INA: variants seen among roughly 807,000 people sequenced by gnomAD.
INA encodes the protein internexin neuronal intermediate filament protein alpha, also known as alpha-internexin.
A neutral mutation model predicts 40.1 loss-of-function variants in INA; 35 were observed. The observed-to-expected ratio is 0.87, with a 90% confidence interval of 0.67 to 1.16. The LOEUF is 1.16. INA is among the 50% of genes most tolerant of loss of function. The pLI, the probability that INA is intolerant of heterozygous loss-of-function variation, is 0.00. For synonymous variants in INA, 290 were observed against 316.9 expected, an observed-to-expected ratio of 0.92 and a Z score of 0.90; for missense variants, 594 against 686.7, an observed-to-expected ratio of 0.87 and a Z score of 1.51.
chr10:103,287,024 T>G lies in INA; in HGVS notation c.1066-11T>G. The G allele has an allele frequency of 6.2e-7, 1 of 1,612,910 alleles. No individual in the cohort carries two copies. The highest frequency in any genetic ancestry group is 8.5e-7 in the Non-Finnish European group (1 of 1,179,526). Reference sequence around the variant, plus strand: ...GTTTGGCCTAACTATTTTGGATATGTTACTTTTCAGGATAGCATTGGGCAG... The same window carrying G: ...GTTTGGCCTAACTATTTTGGATATGGTACTTTTCAGGATAGCATTGGGCAG... On this transcript the variant is annotated splice_polypyrimidine_tract_variant and intron_variant, in intron 1 of 2. Transcript: ENST00000369849.
rs2093065326 is a variant in INA, at chr10:103,278,337, C to G, written c.1065+61C>G. ...TGCCCTCTTCCGCGCGTACCCTCTT[C>G]CTCTGGTAAAACTGGGCCCCAGGAC... is the stretch of plus-strand genomic sequence containing the variant. On this transcript the variant is annotated intron_variant, in intron 1 of 2. Transcript: ENST00000369849. The surrounding 1 kb of genome is among the most constrained non-coding windows in gnomAD (Gnocchi z 4.9). 1 of 1,336,124 alleles carries G rather than the reference C, an allele frequency of 7.5e-7. No individual in the cohort carries two copies. The highest frequency in any genetic ancestry group is 2.5e-5 in the East Asian group (1 of 39,546). 82.8% of individuals were successfully genotyped at this position (1,336,124 alleles called of 1,614,324 possible). A position where few individuals can be genotyped will look rare whatever the true frequency, so the allele number is the denominator to read the frequency against.
chr10:103,283,181 A>G (rs753722708), intron 1 of INA, among the ~76,000 whole-genome samples: 6 of 152,220 alleles, frequency 3.9e-5, no homozygotes, highest in Non-Finnish European at 8.8e-5. Context: ...CTGCAACCCA[A>G]GTTCCTGATG....
At chr10:103,287,209 A>G (rs778398389) in intron 2 of INA, 50 bp downstream of exon 2, 2 of 1,578,576 alleles carry the variant, frequency 1.3e-6, no homozygotes, top group East Asian at 2.3e-5. Context: ...CCTAGGGGCA[A>G]TGCTGCCCAA....
At chr10:103,281,912 G>T (rs1447035519) in intron 1 of INA, among the ~76,000 whole-genome samples, 1 of 152,234 alleles carries the variant, frequency 6.6e-6, no homozygotes, top group African/African-American at 2.4e-5. Context: ...GGAGCTGGGC[G>T]TGCCGCTCTC....
Position 103,288,927 on chromosome 10 carries a change from G to A in INA, c.*258G>A, listed in dbSNP as rs1376851441. 1 of 271,908 alleles carries A rather than the reference G, an allele frequency of 3.7e-6. No individual in the cohort carries two copies. Among genetic ancestry groups the A allele is most frequent in the African/African-American group, 2.2e-5 (1 of 44,978 alleles). The allele number at this position is 271,908 out of a possible 1,614,324, so 16.8% of individuals were successfully genotyped here. A position where few individuals can be genotyped will look rare whatever the true frequency, so the allele number is the denominator to read the frequency against. ...TGACCTTCAGCTCACGCTTCACAGT[G>A]ATCGATGATTCAGGTGCAGAGGAAG... On this transcript the variant is annotated 3_prime_UTR_variant, in exon 3 of 3. Transcript: ENST00000369849.
In INA at chr10:103,278,412, G is replaced by A. The variant is rs1163699963; in HGVS notation, c.1065+136G>A. Reference sequence around the variant, plus strand: ...GAGAAGAGCCGCGGCTGGAGGCGCTGGTTAACAAAAAACCCTGGAGTCTTT... The same window carrying A: ...GAGAAGAGCCGCGGCTGGAGGCGCTAGTTAACAAAAAACCCTGGAGTCTTT... On this transcript the variant is annotated intron_variant, in intron 1 of 2. Coordinates refer to ENST00000369849, the MANE Select transcript of INA (RefSeq NM_032727.4). This position sits in a 1 kb window ranked among gnomAD's most constrained non-coding sequence, Gnocchi z 4.9. 7.1e-6 allele frequency: 5 copies of A among 699,738 alleles called. No homozygotes were observed. In the African/African-American group the frequency reaches 9.0e-5, roughly 13 times the overall value. The allele number at this position is 699,738 out of a possible 1,614,324, so 43.3% of individuals were successfully genotyped here. A position where few individuals can be genotyped will look rare whatever the true frequency, so the allele number is the denominator to read the frequency against.
chr10:103,279,973 G>A (rs938167504), intron 1 of INA: 15 of 1,288,978 alleles, frequency 1.2e-5, no homozygotes, highest in Admixed American at 9.2e-5. Context: ...GTGGTCTTCT[G>A]GAGGGCTAGC....
At chr10:103,286,907 A>T in intron 1 of INA, 128 bp from the exon 2 acceptor site, 1 of 935,372 alleles carries the variant, frequency 1.1e-6, no homozygotes, top group Non-Finnish European at 1.6e-6. Flanking sequence ...ACAGACCTGG[A>T]TATAAGCAAG....
Position 103,277,256 on chromosome 10 carries a change from C to T in INA, c.45C>T (p.Tyr15=). 1 of 1,595,314 alleles carries T rather than the reference C, an allele frequency of 6.3e-7. No individual in the cohort carries two copies. The highest frequency in any genetic ancestry group is 8.5e-7 in the Non-Finnish European group (1 of 1,174,022). Reference sequence around the variant, plus strand: ...ACTACCTGTGCTCCTCCTCCTCCTACCGCAAGGTGTTCGGGGATGGCTCTC... The same window carrying T: ...ACTACCTGTGCTCCTCCTCCTCCTATCGCAAGGTGTTCGGGGATGGCTCTC... ...SEHYLCSSSS[Y]RKVFGDGSRL... Residue 15 remains tyrosine (Y), a synonymous_variant, in exon 1 of 3, where the codon TAC becomes TAT. Transcript: ENST00000369849. This position sits in a 1 kb window ranked among gnomAD's most constrained non-coding sequence, Gnocchi z 5.6.
chr10:103,278,320 TCCGCG>T lies in INA; in HGVS notation c.1065+46_1065+50del. ...CGTGGGGAGGGGTGCCCTGCCCTCT[TCCGCG>T]CGTACCCTCTTCCTCTGGTAAAACT... On this transcript the variant is annotated intron_variant, in intron 1 of 2. Transcript: ENST00000369849. This position sits in a 1 kb window ranked among gnomAD's most constrained non-coding sequence, Gnocchi z 4.9. 7.1e-7 allele frequency: 1 copy of T among 1,410,550 alleles called. No individual in the cohort carries two copies. Among genetic ancestry groups the T allele is most frequent in the Admixed American group, 2.2e-5 (1 of 44,994 alleles). The allele number at this position is 1,410,550 out of a possible 1,614,324, so 87.4% of individuals were successfully genotyped here.
intron 1 of INA, among the ~76,000 whole-genome samples, chr10:103,284,834 T>C (rs1313234399): frequency 6.6e-6 from 1 of 152,114 alleles, no homozygotes; most frequent in Non-Finnish European, 1.5e-5. Flanking sequence ...CTGAGTGCTT[T>C]TTTTCTAATT....
rs1370704339 is a variant in INA, at chr10:103,277,409, T to C, written c.198T>C (p.Tyr66=). Residue 66 remains tyrosine (Y), a synonymous_variant, in exon 1 of 3, where the codon TAT becomes TAC. Transcript: ENST00000369849. The surrounding 1 kb of genome is among the most constrained non-coding windows in gnomAD (Gnocchi z 5.6). ...SASSLGLGLA[Y]RRPPASDGLD... Reference sequence around the variant, plus strand: ...CGTCGCTCGGCCTCGGCCTGGCCTATCGCCGGCCGCCGGCGTCCGACGGGC... The same window carrying C: ...CGTCGCTCGGCCTCGGCCTGGCCTACCGCCGGCCGCCGGCGTCCGACGGGC... 1 of 1,557,822 alleles carries C rather than the reference T, an allele frequency of 6.4e-7. No individual in the cohort carries two copies. Among genetic ancestry groups the C allele is most frequent in the Non-Finnish European group, 8.6e-7 (1 of 1,158,490 alleles).
rs765584342 is a variant in INA at position 103,277,508 on chromosome 10, G to A, written c.297G>A (p.Gln99=). ...GCACCAACGAGAAGGAGCAGCTGCA[G>A]GGCCTCAACGACCGCTTCGCCGTGT... ...IIRTNEKEQL[Q]GLNDRFAVFI... Residue 99 remains glutamine (Q), a synonymous_variant, in exon 1 of 3, where the codon CAG becomes CAA. Transcript: ENST00000369849. The surrounding 1 kb of genome is among the most constrained non-coding windows in gnomAD (Gnocchi z 5.6). 26 of 1,588,728 alleles carry A rather than the reference G, an allele frequency of 1.6e-5. No individual in the cohort carries two copies. The highest frequency in any genetic ancestry group is 2.1e-5 in the Non-Finnish European group (25 of 1,171,086).
At chr10:103,279,654 A>G (rs967247707) in intron 1 of INA, among the ~76,000 whole-genome samples, 2 of 152,234 alleles carry the variant, frequency 1.3e-5, no homozygotes, top group African/African-American at 2.4e-5. Flanking sequence ...ACATTGGTAA[A>G]ATAGAACCAA....
intron 1 of INA, chr10:103,280,756 GA>G: frequency 1.0e-6 from 1 of 985,428 alleles, no homozygotes; most frequent in Non-Finnish European, 1.2e-6. Flanking sequence ...AAGAGATTAG[GA>G]AGAGCTAAGG....
Position 103,288,590 on chromosome 10 carries a change from T to G in INA, c.1421T>G (p.Leu474Ter). Residue 474 changes from leucine to a stop codon, truncating the protein, a stop_gained, in exon 3 of 3, where the codon TTA becomes TGA. Coordinates refer to ENST00000369849, the MANE Select transcript of INA (RefSeq NM_032727.4). LOFTEE classifies it high-confidence loss of function. ...SQIGESFEEI[L>*]EETVISTKKT... ...ATAGGGGAAAGTTTTGAAGAAATAT[T>G]AGAGGAGACAGTAATATCTACTAAG... is the stretch of plus-strand genomic sequence containing the variant. The G allele has an allele frequency of 1.2e-6, 2 of 1,612,998 alleles. No individual in the cohort carries two copies. The highest frequency in any genetic ancestry group is 1.7e-6 in the Non-Finnish European group (2 of 1,179,388).
chr10:103,279,407 C>G (rs1388074993), intron 1 of INA, among the ~76,000 whole-genome samples: 1 of 152,052 alleles, frequency 6.6e-6, no homozygotes, highest in Non-Finnish European at 1.5e-5. Context: ...TATTTCTTCC[C>G]AACAAAGGCC....
chr10:103,280,431 C>G, intron 1 of INA: 2 of 985,442 alleles, frequency 2.0e-6, no homozygotes, highest in Non-Finnish European at 2.4e-6. Context: ...AGGTGAAAAG[C>G]CTCCCTTTCT....
chr10:103,280,520 C>T, intron 1 of INA: 1 of 985,402 alleles, frequency 1.0e-6, no homozygotes, highest in Non-Finnish European at 1.2e-6. Flanking sequence ...GGCTGTTCTC[C>T]TTCTTCTGCT....
Sources: gnomAD v4.1 joint callset for allele counts (sites outside exome capture counted in the v4.1 genomes callset) on GRCh38, gnomAD v4.1.1 for gene constraint, Gnocchi (gnomAD v3.1) non-coding constraint, MANE v1.5 for transcripts, NCBI Gene and HGNC (gene_info 2026-07-23, HGNC 2026-07-21) for gene names.